The following SLC25A25 variants were observed in gnomAD, a reference collection of about 807,000 sequenced individuals.
The protein encoded by SLC25A25 is solute carrier family 25 member 25, also known as mitochondrial adenyl nucleotide antiporter SLC25A25.
A neutral mutation model predicts 57.7 loss-of-function variants in SLC25A25; 32 were observed. That is an observed-to-expected ratio of 0.55 (90% CI 0.42 to 0.74). SLC25A25 has a LOEUF of 0.74. Ranked by LOEUF, SLC25A25 falls within the 30% of genes least tolerant of loss-of-function variation. SLC25A25 has a pLI of 0.00. For synonymous variants in SLC25A25, 306 were observed against 291.2 expected (o/e 1.05, Z -0.52); for missense variants, 556 against 701.3 (o/e 0.79, Z 2.34).
chr9:128,092,532 C>T (rs1272100976), intron 1 of SLC25A25, among the ~76,000 whole-genome samples: 1 of 152,074 alleles, frequency 6.6e-6, no homozygotes. Context: ...AGTCCCCTTG[C>T]CTGGGTCCGA....
Position 128,100,217 on chromosome 9 carries a change from G to A in SLC25A25, c.262-879G>A, listed in dbSNP as rs534375623. Among the ~76,000 whole-genome samples the A allele has an allele frequency of 2.6e-5, 4 of 152,272 alleles. No homozygotes were observed. The East Asian group carries it at 5.8e-4, about 22-fold the overall frequency. On this transcript the variant is annotated intron_variant, in intron 1 of 10. Transcript: ENST00000373069. ...TGCGAGGGGGGTAAGTGGGTTGCTA[G>A]AAGTAAAGCATTTGGCACGCCCTGC... is the stretch of plus-strand genomic sequence containing the variant.
intron 8 of SLC25A25, 32 bp downstream of exon 8, chr9:128,106,289 G>A: frequency 1.9e-6 from 3 of 1,614,100 alleles, no homozygotes; most frequent in South Asian, 1.1e-5. Context: ...GGGGCGGGCA[G>A]TGGGCACAGG....
Position 128,068,480 on chromosome 9 carries a change from T to C in SLC25A25, c.161T>C (p.Phe54Ser). ...CACCGGCTGCGCCTGTGGAGACTCT[T>C]TCAGACGCTCGACGTCAACCGGGAC... is the stretch of plus-strand genomic sequence containing the variant. ...PDHRLRLWRL[F>S]QTLDVNRDGG... The change falls in exon 1 of 11, where the codon TTT (phenylalanine) becomes TCT (serine). Residue 54 changes from phenylalanine (F) to serine (S), a missense_variant. By Grantham distance (155) the Phe-to-Ser change is radical. This residue lies in a region of SLC25A25 where 248 missense variants were observed against 273.5 expected (regional missense o/e 0.91). Coordinates refer to ENST00000373069, the MANE Select transcript of SLC25A25 (RefSeq NM_001330988.2). 1 of 1,522,366 alleles carries C rather than the reference T, an allele frequency of 6.6e-7. No homozygotes were observed. The highest frequency in any genetic ancestry group is 8.8e-7 in the Non-Finnish European group (1 of 1,142,360). 94.3% of individuals were successfully genotyped at this position (1,522,366 alleles called of 1,614,324 possible).
intron 1 of SLC25A25, chr9:128,092,149 G>A (rs1200411830): frequency 4.1e-5 from 64 of 1,557,994 alleles, no homozygotes; most frequent in Non-Finnish European, 1.0e-5. Context: ...CATTTTCCTG[G>A]GGAAAAAACG....
Position 128,099,104 on chromosome 9 carries a change from G to A in SLC25A25, c.262-1992G>A. 1.0e-6 allele frequency: 1 copy of A among 985,404 alleles called. No homozygotes were observed. Among genetic ancestry groups the A allele is most frequent in the Non-Finnish European group, 1.2e-6 (1 of 829,912 alleles). The allele number at this position is 985,404 out of a possible 1,614,324, so 61.0% of individuals were successfully genotyped here. ...GGAGTTGAGGGTGCTGCGTGGTGGA[G>A]CTGCCCGTCCCTGGTGTGGGGGTGA... On this transcript the variant is annotated intron_variant, in intron 1 of 10. Coordinates refer to ENST00000373069, the MANE Select transcript of SLC25A25 (RefSeq NM_001330988.2). The surrounding 1 kb of genome is among the most constrained non-coding windows in gnomAD (Gnocchi z 6.8).
intron 1 of SLC25A25, among the ~76,000 whole-genome samples, chr9:128,087,300 A>G (rs191558378): frequency 5.9e-5 from 9 of 152,082 alleles, no homozygotes; most frequent in African/African-American, 1.9e-4. Flanking sequence ...TCTGTCGCCC[A>G]GTCTGGAGTG....
At chr9:128,071,346 C>T (rs976522685) in intron 1 of SLC25A25, among the ~76,000 whole-genome samples, 2 of 152,056 alleles carry the variant, frequency 1.3e-5, no homozygotes, top group Admixed American at 1.3e-4. Flanking sequence ...TGATAGGAAG[C>T]ATTTCTTTAT....
intron 1 of SLC25A25, 134 bp from the exon 2 acceptor site, chr9:128,100,959 GAGC>G: frequency 8.4e-7 from 1 of 1,190,160 alleles, no homozygotes; most frequent in Non-Finnish European, 1.2e-6. Context: ...TCTGAGAGTG[GAGC>G]AGAAGCATCT....
At chr9:128,098,674 C>T (rs1833650415) in intron 1 of SLC25A25, 3 of 1,614,164 alleles carry the variant, frequency 1.9e-6, no homozygotes, top group Non-Finnish European at 2.5e-6. Context: ...TTTTCAAGCT[C>T]AGTGTCTTCA....
rs559672264 is a variant in SLC25A25 at position 128,102,032 on chromosome 9, T to C, written c.477-48T>C. 3.5e-5 allele frequency: 55 copies of C among 1,549,748 alleles called. No homozygotes were observed. The highest frequency in any genetic ancestry group is 3.0e-4 in the South Asian group (25 of 84,050). ...TCACTAACATGGCTCCGAGCACTTA[T>C]GCGTGTTGTTTCTGCTCTCTCCTCC... On this transcript the variant is annotated intron_variant, in intron 3 of 10. Coordinates refer to ENST00000373069, the MANE Select transcript of SLC25A25 (RefSeq NM_001330988.2). The surrounding 1 kb of genome is among the most constrained non-coding windows in gnomAD (Gnocchi z 4.1).
At chr9:128,090,094 C>T (rs10819351) in intron 1 of SLC25A25, among the ~76,000 whole-genome samples, 22,842 of 152,170 alleles carry the variant, frequency 0.15, 1,818 homozygotes, top group South Asian at 0.25. Context: ...CCCCGCCCCA[C>T]ACCCTCTCTT....
intron 1 of SLC25A25, among the ~76,000 whole-genome samples, chr9:128,078,441 T>G (rs1384698871): frequency 2.0e-5 from 3 of 152,128 alleles, no homozygotes; most frequent in Non-Finnish European, 4.4e-5. Context: ...AGGGAGAAGC[T>G]TCCGTGGTGT....
intron 1 of SLC25A25, among the ~76,000 whole-genome samples, chr9:128,089,777 A>G (rs10739710): frequency 0.74 from 112,566 of 151,422 alleles, 43,653 homozygotes; most frequent in Non-Finnish European, 0.85. Context: ...TGGGACTACA[A>G]CAGGCACCAC....
At chr9:128,081,949 C>T (rs1833164880) in intron 1 of SLC25A25, among the ~76,000 whole-genome samples, 1 of 152,008 alleles carries the variant, frequency 6.6e-6, no homozygotes, top group Non-Finnish European at 1.5e-5. Flanking sequence ...CCCATATTTC[C>T]AAGCAGACCC....
rs533568390 is a variant in SLC25A25 at position 128,093,244 on chromosome 9, T to G, written c.262-7852T>G. ...GCAGTGGGTCTCTCAGAGACTGTTA[T>G]GCCTGAGATGTCTTTGCTTAATATT... On this transcript the variant is annotated intron_variant, in intron 1 of 10. Coordinates refer to ENST00000373069, the MANE Select transcript of SLC25A25 (RefSeq NM_001330988.2). Among the ~76,000 whole-genome samples the G allele has an allele frequency of 2.0e-5, 3 of 152,334 alleles. No homozygotes were observed. In the East Asian group the frequency reaches 5.8e-4, roughly 29 times the overall value.
chr9:128,096,202 A>G (rs1454919952), intron 1 of SLC25A25, among the ~76,000 whole-genome samples: 1 of 152,044 alleles, frequency 6.6e-6, no homozygotes, highest in Non-Finnish European at 1.5e-5. Context: ...ATAAATGTGA[A>G]CCTCCTTTAA....
At position 128,101,380 on chromosome 9, in the gene SLC25A25, G is replaced by GA. The variant is rs1833789469; in HGVS notation, c.466dup (p.Ile156AsnfsTer19). 1.2e-6 allele frequency: 2 copies of GA among 1,614,238 alleles called. No individual in the cohort carries two copies. The highest frequency in any genetic ancestry group is 1.7e-6 in the Non-Finnish European group (2 of 1,180,048). ...AGTCAAGATATCTGAACAGCAGGCAGAAAAAATTCTCAAGAGGTGAGTGCT... is the reference window on the plus strand; with the variant it reads ...AGTCAAGATATCTGAACAGCAGGCAGAAAAAAATTCTCAAGAGGTGAGTGCT... On this transcript the variant is annotated frameshift_variant, in exon 3 of 11. Transcript: ENST00000373069. LOFTEE classifies it high-confidence loss of function. The surrounding 1 kb of genome is among the most constrained non-coding windows in gnomAD (Gnocchi z 4.9).
intron 1 of SLC25A25, among the ~76,000 whole-genome samples, chr9:128,085,296 A>G (rs1588760110): frequency 6.6e-6 from 1 of 150,792 alleles, no homozygotes; most frequent in Non-Finnish European, 1.5e-5. Context: ...ACACCACTGC[A>G]CTCCAGCCTG....
rs1010221653 is a variant in SLC25A25 at position 128,091,816 on chromosome 9, G to T, written c.262-9280G>T. The T allele has an allele frequency of 1.9e-6, 3 of 1,550,742 alleles. No individual in the cohort carries two copies. The African/African-American group carries it at 4.1e-5, about 21-fold the overall frequency. On this transcript the variant is annotated intron_variant, in intron 1 of 10. Transcript: ENST00000373069. The stretch of plus-strand genomic sequence containing the variant: ...GTAGCCAGAGAGCGTTGGTACTGTG[G>T]TCACATCCCTCAAAAGTGAACAGTC...
Sources: gnomAD v4.1 joint callset for allele counts (sites outside exome capture counted in the v4.1 genomes callset) on GRCh38, gnomAD v4.1.1 for gene constraint, gnomAD v4.1.1 regional missense constraint, Gnocchi (gnomAD v3.1) non-coding constraint, MANE v1.5 for transcripts, NCBI Gene and HGNC (gene_info 2026-07-23, HGNC 2026-07-21) for gene names.